Variants in SYN3 observed in about 807,000 individuals in gnomAD.
The protein encoded by SYN3 is synapsin III, also known as synapsin-3.
Under a neutral mutation model 65.8 loss-of-function variants are expected in SYN3, and 35 were observed. The ratio of observed to expected loss-of-function variants is 0.53; its 90% confidence interval spans 0.41 to 0.70. SYN3 has a LOEUF of 0.70. Among genes scored for constraint, SYN3 ranks in the 30% least tolerant of loss-of-function variants. The pLI is 0.00. For synonymous variants in SYN3, 270 were observed against 292.9 expected (o/e 0.92, Z 0.80); for missense variants, 680 against 749.0 (o/e 0.91, Z 1.08).
Position 32,866,237 on chromosome 22 carries a change from A to G in SYN3, c.622-1233T>C, listed in dbSNP as rs192813697. Among the ~76,000 whole-genome samples the G allele has an allele frequency of 2.1e-3, 323 of 152,322 alleles. 2 individuals are homozygous for G. The highest frequency in any genetic ancestry group is 3.4e-3 in the Non-Finnish European group (233 of 68,036). On this transcript the variant is annotated intron_variant, in intron 5 of 13. Transcript: ENST00000358763. ...GCCAACCTGACTTGGAGGTCACTCA[A>G]TACTAAGAGCCTGGACACTGAAAAC...
intron 3 of SYN3, among the ~76,000 whole-genome samples, chr22:32,939,051 T>C (rs1036651535): frequency 2.0e-5 from 3 of 152,098 alleles, no homozygotes; most frequent in Non-Finnish European, 4.4e-5. Context: ...TGATACCAGA[T>C]GGAAATTTGT....
chr22:32,764,097 C>T (rs1356965465), intron 6 of SYN3, among the ~76,000 whole-genome samples: 1 of 152,040 alleles, frequency 6.6e-6, no homozygotes, highest in African/African-American at 2.4e-5. Context: ...ACCACCACAC[C>T]CAGCTAATTT....
At chr22:32,683,283 C>A (rs1172379074) in intron 6 of SYN3, among the ~76,000 whole-genome samples, 1 of 152,016 alleles carries the variant, frequency 6.6e-6, no homozygotes, top group Non-Finnish European at 1.5e-5. Context: ...ACATTTTCTG[C>A]CTCTTAATTG....
intron 2 of SYN3, among the ~76,000 whole-genome samples, chr22:32,995,950 CT>C (rs1011061260): frequency 3.3e-5 from 5 of 151,560 alleles, no homozygotes; most frequent in East Asian, 3.9e-4. Context: ...CGCATCCGGC[CT>C]TTTTTTTTCC....
chr22:32,579,451 C>T (rs1208141262), intron 7 of SYN3, among the ~76,000 whole-genome samples: 2 of 152,168 alleles, frequency 1.3e-5, no homozygotes, highest in African/African-American at 4.8e-5. Flanking sequence ...GGAGCTCCCT[C>T]ACACCTCCTA....
intron 6 of SYN3, among the ~76,000 whole-genome samples, chr22:32,641,922 C>T (rs2059907214): frequency 6.6e-6 from 1 of 152,130 alleles, no homozygotes; most frequent in African/African-American, 2.4e-5. Flanking sequence ...TTGCCCCTCC[C>T]CAGCCTCCAA....
At chr22:32,823,502 G>T (rs1294624270) in intron 6 of SYN3, among the ~76,000 whole-genome samples, 2 of 152,162 alleles carry the variant, frequency 1.3e-5, no homozygotes, top group African/African-American at 4.8e-5. Context: ...AAGCAGCCAG[G>T]GTCCAGTGGA....
At chr22:32,713,630 A>G (rs989028017) in intron 6 of SYN3, among the ~76,000 whole-genome samples, 4 of 152,184 alleles carry the variant, frequency 2.6e-5, no homozygotes, top group African/African-American at 9.6e-5. Context: ...GGAGATCGAG[A>G]CCATCCTGGC....
chr22:32,681,805 T>C (rs1033137956), intron 6 of SYN3, among the ~76,000 whole-genome samples: 1 of 152,150 alleles, frequency 6.6e-6, no homozygotes, highest in Non-Finnish European at 1.5e-5. Flanking sequence ...GTGGGAGACA[T>C]ACTAAAAACG....
At chr22:32,659,980 T>C (rs2060194434) in intron 6 of SYN3, among the ~76,000 whole-genome samples, 1 of 152,234 alleles carries the variant, frequency 6.6e-6, no homozygotes, top group Non-Finnish European at 1.5e-5. Flanking sequence ...AGTCTAATTT[T>C]ATTCAATGGT....
chr22:32,656,953 C>T (rs986842659), intron 6 of SYN3, among the ~76,000 whole-genome samples: 3 of 152,032 alleles, frequency 2.0e-5, no homozygotes, highest in Non-Finnish European at 2.9e-5. Context: ...CTAAGGGCAC[C>T]TTGTTGGGTG....
chr22:32,745,006 T>G (rs1232700397), intron 6 of SYN3, among the ~76,000 whole-genome samples: 1 of 152,182 alleles, frequency 6.6e-6, no homozygotes, highest in African/African-American at 2.4e-5. Context: ...GAGAAGTGAT[T>G]TCATTTATCA....
intron 6 of SYN3, among the ~76,000 whole-genome samples, chr22:32,724,989 G>A (rs1216605606): frequency 1.3e-5 from 2 of 152,172 alleles, no homozygotes; most frequent in Admixed American, 1.3e-4. Context: ...GTGTGGTGGT[G>A]CACACCTGTA....
At chr22:32,948,122 T>C (rs1479972607) in intron 3 of SYN3, among the ~76,000 whole-genome samples, 1 of 152,220 alleles carries the variant, frequency 6.6e-6, no homozygotes, top group African/African-American at 2.4e-5. Flanking sequence ...TGACTTCTTG[T>C]CTGCCACATC....
intron 4 of SYN3, among the ~76,000 whole-genome samples, chr22:32,880,589 C>A (rs1360263068): frequency 6.6e-6 from 1 of 152,182 alleles, no homozygotes. Flanking sequence ...CAGTTACCAT[C>A]AGCCCAAGAA....
At chr22:32,701,252 T>C (rs1214516803) in intron 6 of SYN3, among the ~76,000 whole-genome samples, 1 of 152,210 alleles carries the variant, frequency 6.6e-6, no homozygotes, top group African/African-American at 2.4e-5. Flanking sequence ...CCATGAATAA[T>C]TAGCTGTTAC....
chr22:32,631,175 A>C (rs192324026), intron 6 of SYN3, among the ~76,000 whole-genome samples: 17 of 152,102 alleles, frequency 1.1e-4, no homozygotes, highest in Admixed American at 8.5e-4. Flanking sequence ...TGCGCCTGTA[A>C]TCCCAGCTAC....
intron 6 of SYN3, among the ~76,000 whole-genome samples, chr22:32,712,715 C>G (rs967952012): frequency 2.0e-5 from 3 of 152,160 alleles, no homozygotes; most frequent in African/African-American, 7.2e-5. Context: ...GCCCTCTCCT[C>G]CCCTTTGCCC....
At chr22:32,628,146 G>T (rs1287983055) in intron 6 of SYN3, among the ~76,000 whole-genome samples, 10 of 152,072 alleles carry the variant, frequency 6.6e-5, no homozygotes, top group Admixed American at 5.2e-4. Context: ...TTTACCAGGG[G>T]TCCAGGGAGC....
Sources: gnomAD v4.1 joint callset for allele counts (sites outside exome capture counted in the v4.1 genomes callset) on GRCh38, gnomAD v4.1.1 for gene constraint, MANE v1.5 for transcripts, NCBI Gene and HGNC (gene_info 2026-07-23, HGNC 2026-07-21) for gene names.